SDK2: variants seen among roughly 807,000 people sequenced by gnomAD.
SDK2 encodes sidekick cell adhesion molecule 2, also known as protein sidekick-2.
Under a neutral mutation model 253.9 loss-of-function variants are expected in SDK2, and 105 were observed. The ratio of observed to expected loss-of-function variants is 0.41; its 90% CI spans 0.35 to 0.49. The LOEUF (loss-of-function observed/expected upper bound fraction) is 0.49. Among genes scored for constraint, SDK2 ranks in the 20% least tolerant of loss-of-function variants. The pLI is 0.06. For synonymous variants in SDK2, 1,249 were observed against 1,234.9 expected (o/e 1.01, Z -0.24); for missense variants, 2,608 against 3,003.0 (o/e 0.87, Z 3.07).
rs569080595 is a variant in SDK2 at position 73,346,413 on chromosome 17, T to C, written c.6165+2186A>G. Among the ~76,000 whole-genome samples, 14 of 152,218 alleles carry C rather than the reference T, an allele frequency of 9.2e-5. No individual in the cohort carries two copies. In the South Asian group the frequency reaches 2.7e-3, roughly 29 times the overall value. On this transcript the variant is annotated intron_variant, in intron 44 of 44. Transcript: ENST00000392650. ...TTGTGTGCTAAGTATATACATTTTT[T>C]TTTTTTGTACAAAACTTGGGCTCTT...
chr17:73,596,584 T>G (rs766766519), intron 1 of SDK2, among the ~76,000 whole-genome samples: 5 of 152,314 alleles, frequency 3.3e-5, no homozygotes, highest in Non-Finnish European at 5.9e-5. Flanking sequence ...ATGATGTATC[T>G]GTTTCCCGCA....
chr17:73,348,763 CA>C lies in SDK2; in HGVS notation c.6039-39del, dbSNP rs749685396. The C allele has an allele frequency of 1.3e-5, 20 of 1,585,046 alleles. No individual in the cohort carries two copies. In the East Asian group the frequency reaches 1.8e-4, roughly 14 times the overall value. On this transcript the variant is annotated intron_variant, in intron 43 of 44. Transcript: ENST00000392650. ...GGGGAGTGGGGCCGAGAGGTGCACT[CA>C]CTCAGAGCGGCCTCCCCTGGCCTAG... is the stretch of plus-strand genomic sequence containing the variant.
Position 73,456,040 on chromosome 17 carries a change from A to C in SDK2, c.345T>G (p.Phe115Leu). The change falls in exon 4 of 45, where the codon TTT (phenylalanine) becomes TTG (leucine). Residue 115 changes from phenylalanine (F) to leucine (L), a missense_variant. This residue lies in a region of SDK2 where 1,505 missense variants were observed against 1,859.1 expected (regional missense o/e 0.81). Coordinates refer to ENST00000392650, the MANE Select transcript of SDK2 (RefSeq NM_001144952.2). The part of the protein sequence containing the change: ...TEVQVAYMGS[F>L]EEGEKHQSVS... The stretch of plus-strand genomic sequence containing the variant: ...CGCTCTGGTGCTTCTCACCTTCCTC[A>C]AAGCTCCCCATGTCTGCAGCCGGGA... 6.6e-7 allele frequency: 1 copy of C among 1,512,614 alleles called. No homozygotes were observed. Among genetic ancestry groups the C allele is most frequent in the Non-Finnish European group, 8.9e-7 (1 of 1,124,490 alleles). 93.7% of individuals were successfully genotyped at this position (1,512,614 alleles called of 1,614,324 possible).
intron 1 of SDK2, among the ~76,000 whole-genome samples, chr17:73,546,395 AGCACGGG>A (rs2044966416): frequency 6.6e-6 from 1 of 152,236 alleles, no homozygotes; most frequent in Non-Finnish European, 1.5e-5. Context: ...CTTCTGCCAC[AGCACGGG>A]GCTCGCTTAA....
chr17:73,490,198 G>C (rs1314174738), intron 2 of SDK2, among the ~76,000 whole-genome samples: 1 of 152,208 alleles, frequency 6.6e-6, no homozygotes, highest in East Asian at 1.9e-4. Context: ...AGCTCCACCT[G>C]TTTTTGGAGT....
intron 18 of SDK2, among the ~76,000 whole-genome samples, chr17:73,409,630 C>CA (rs1053675573): frequency 3.0e-4 from 44 of 145,980 alleles, no homozygotes; most frequent in South Asian, 1.7e-3. Context: ...AACTCCATCT[C>CA]AAAAAAAAGG....
intron 24 of SDK2, among the ~76,000 whole-genome samples, chr17:73,397,368 C>CGGGTAA (rs2062979534): frequency 6.6e-6 from 1 of 152,108 alleles, no homozygotes; most frequent in Non-Finnish European, 1.5e-5. Context: ...TGTGGACTTG[C>CGGGTAA]GGGTAAAGAT....
intron 3 of SDK2, among the ~76,000 whole-genome samples, chr17:73,463,146 G>T (rs2063575152): frequency 6.6e-6 from 1 of 152,290 alleles, no homozygotes; most frequent in Non-Finnish European, 1.5e-5. Flanking sequence ...ACAGTTAAGG[G>T]CTTGCCACAC....
chr17:73,383,958 G>C lies in SDK2; in HGVS notation c.4623C>G (p.Tyr1541Ter). 6.2e-7 allele frequency: 1 copy of C among 1,613,916 alleles called. No individual in the cohort carries two copies. The highest frequency in any genetic ancestry group is 8.5e-7 in the Non-Finnish European group (1 of 1,179,876). ...TCAGTCCTTCATAGAGCAGCTCCCG[G>C]TATCGGATCCGGAAGCCCAGGAGGA... ...NGILLGFRIR[Y>*]RELLYEGLRG... The change falls in exon 33 of 45, where the codon TAC becomes TAG. Residue 1541 changes from tyrosine (Y) to a stop codon, truncating the protein, a stop_gained. Transcript: ENST00000392650. LOFTEE classifies it high-confidence loss of function. The surrounding 1 kb of genome is among the most constrained non-coding windows in gnomAD (Gnocchi z 4.3).
chr17:73,372,043 A>ATCCTCC (rs1413137590), intron 36 of SDK2, among the ~76,000 whole-genome samples: 1 of 151,964 alleles, frequency 6.6e-6, no homozygotes, highest in Non-Finnish European at 1.5e-5. Flanking sequence ...CGTGGGAGCT[A>ATCCTCC]TCCACTGGGG....
rs760458321 is a variant in SDK2, at chr17:73,447,680, A to G, written c.548T>C (p.Val183Ala). 1 of 1,551,792 alleles carries G rather than the reference A, an allele frequency of 6.4e-7. No homozygotes were observed. The highest frequency in any genetic ancestry group is 1.2e-5 in the South Asian group (1 of 84,062). The change falls in exon 5 of 45, where the codon GTG becomes GCG. Residue 183 changes from valine to alanine, a missense_variant. Transcript: ENST00000392650. The surrounding 1 kb of genome is among the most constrained non-coding windows in gnomAD (Gnocchi z 4.0). ...CCCGTTTTTGTCGTTAACAGCCTGC[A>G]CATAGTAGCGACCTGCGTCAGGGGC... Reference protein sequence around the residue: ...TVAPDAGRYYVQAVNDKNGDN... With the variant: ...TVAPDAGRYYAQAVNDKNGDN...
At chr17:73,504,788 A>C (rs1320656483) in intron 2 of SDK2, among the ~76,000 whole-genome samples, 1 of 152,146 alleles carries the variant, frequency 6.6e-6, no homozygotes. Context: ...AAAGTCCGAG[A>C]AGAGGGAATT....
chr17:73,388,583 G>T (rs1481636831), intron 29 of SDK2, among the ~76,000 whole-genome samples: 1 of 152,122 alleles, frequency 6.6e-6, no homozygotes, highest in East Asian at 1.9e-4. Context: ...AGTGTCCCTG[G>T]CCTCCACCCA....
intron 1 of SDK2, among the ~76,000 whole-genome samples, chr17:73,576,024 A>T (rs1420829257): frequency 6.6e-6 from 1 of 152,198 alleles, no homozygotes; most frequent in Admixed American, 6.5e-5. Flanking sequence ...CTGTGGTGGG[A>T]TGAGGAAGTT....
intron 2 of SDK2, among the ~76,000 whole-genome samples, chr17:73,480,630 G>GAGAGAC (rs1216936491): frequency 1.3e-5 from 2 of 152,142 alleles, no homozygotes; most frequent in African/African-American, 4.8e-5. Context: ...GGGTGAAAAT[G>GAGAGAC]AGAGACAGAG....
chr17:73,414,646 T>G lies in SDK2; in HGVS notation c.2482A>C (p.Lys828Gln). 1.2e-6 allele frequency: 2 copies of G among 1,612,418 alleles called. No individual in the cohort carries two copies. Among genetic ancestry groups the G allele is most frequent in the Non-Finnish European group, 1.7e-6 (2 of 1,178,552 alleles). ...QFINGINQGY[K>Q]LIAWEPEQEE... Reference sequence around the variant, plus strand: ...GGGTGAGGAGATGCCTCATGTACCTTGTAGCCCTGGTTGATGCCGTTGATG... The same window carrying G: ...GGGTGAGGAGATGCCTCATGTACCTGGTAGCCCTGGTTGATGCCGTTGATG... The change falls in exon 18 of 45, where the codon AAG becomes CAG. Residue 828 changes from lysine to glutamine, a missense_variant and splice_region_variant. Coordinates refer to ENST00000392650, the MANE Select transcript of SDK2 (RefSeq NM_001144952.2).
At chr17:73,501,336 C>G (rs532202785) in intron 2 of SDK2, among the ~76,000 whole-genome samples, 66 of 149,194 alleles carry the variant, frequency 4.4e-4, no homozygotes, top group South Asian at 2.1e-4. Context: ...TCCTCCCCCC[C>G]ACCACCTGTC....
At chr17:73,497,087 G>A (rs2063847344) in intron 2 of SDK2, among the ~76,000 whole-genome samples, 1 of 152,124 alleles carries the variant, frequency 6.6e-6, no homozygotes, top group Admixed American at 6.5e-5. Context: ...AGTAGAGACG[G>A]GGGTTTCACC....
At chr17:73,402,616 T>C (rs1342680656) in intron 18 of SDK2, among the ~76,000 whole-genome samples, 1 of 149,070 alleles carries the variant, frequency 6.7e-6, no homozygotes, top group Non-Finnish European at 1.5e-5. Flanking sequence ...CCTGTATTCC[T>C]TTTTTGAGAT....
Sources: allele counts gnomAD v4.1 joint callset (sites outside exome capture counted in the v4.1 genomes callset), GRCh38; gene constraint gnomAD v4.1.1; regional missense constraint gnomAD v4.1.1; non-coding constraint Gnocchi (gnomAD v3.1); transcripts MANE v1.5; gene names NCBI Gene and HGNC (gene_info 2026-07-23, HGNC 2026-07-21).